TTLL5: variants seen among roughly 807,000 people sequenced by gnomAD.
The protein encoded by TTLL5 is tubulin polyglutamylase TTLL5.
Under a neutral mutation model 168.4 loss-of-function variants are expected in TTLL5, and 132 were observed. The ratio of observed to expected loss-of-function variants is 0.78; its 90% CI spans 0.68 to 0.91. TTLL5 has a LOEUF of 0.91. TTLL5 is among the 40% of genes least tolerant of loss of function. TTLL5 has a pLI of 0.00. For synonymous variants in TTLL5, 546 were observed against 558.6 expected, an observed-to-expected ratio of 0.98 and a Z score of 0.32; for missense variants, 1,545 against 1,581.5, an observed-to-expected ratio of 0.98 and a Z score of 0.39.
chr14:75,759,956 G>A (rs1890526613), intron 18 of TTLL5, among the ~76,000 whole-genome samples: 1 of 152,002 alleles, frequency 6.6e-6, no homozygotes, highest in Non-Finnish European at 1.5e-5. Flanking sequence ...TTGTAATAGG[G>A]CAAGATGTCC....
chr14:75,935,151 T>C (rs901770688), intron 31 of TTLL5, among the ~76,000 whole-genome samples: 3 of 152,204 alleles, frequency 2.0e-5, no homozygotes, highest in African/African-American at 7.2e-5. Flanking sequence ...CTTTAGCCTC[T>C]AAAATTAGTA....
rs200361929 is a variant in TTLL5 at position 75,790,040 on chromosome 14, C to CA, written c.2987-2875dup. 2.1e-4 allele frequency among the ~76,000 whole-genome samples: 32 copies of CA among 152,214 alleles called. No individual in the cohort carries two copies. The East Asian group carries it at 6.0e-3, about 28-fold the overall frequency. ...AACAGAATAGAAAGTTAGAAACAGT[C>CA]ACACAAGAAGATGGAAATTTCATGT... On this transcript the variant is annotated intron_variant, in intron 26 of 31. Coordinates refer to ENST00000298832, the MANE Select transcript of TTLL5 (RefSeq NM_015072.5).
At chr14:75,912,441 A>C (rs547411128) in intron 31 of TTLL5, among the ~76,000 whole-genome samples, 1 of 152,312 alleles carries the variant, frequency 6.6e-6, no homozygotes, top group East Asian at 1.9e-4. Context: ...TAGCCTTTTC[A>C]TGTCCAGCAT....
At chr14:75,719,450 T>C (rs1167533763) in intron 10 of TTLL5, among the ~76,000 whole-genome samples, 1 of 152,228 alleles carries the variant, frequency 6.6e-6, no homozygotes, top group East Asian at 1.9e-4. Context: ...CACACATTGC[T>C]TTCACTCTTT....
chr14:75,883,397 C>G (rs2031924123), intron 30 of TTLL5, among the ~76,000 whole-genome samples: 2 of 152,216 alleles, frequency 1.3e-5, no homozygotes, highest in African/African-American at 4.8e-5. Flanking sequence ...TATCTCCAGC[C>G]ACTTTTTAGC....
chr14:75,684,873 A>G (rs1468849809), intron 5 of TTLL5: 1 of 152,224 alleles, frequency 6.6e-6, no homozygotes, highest in Non-Finnish European at 1.5e-5. Flanking sequence ...TGTTCTATAC[A>G]GAACTTGAGT....
chr14:75,852,751 C>G (rs192027991), intron 28 of TTLL5, among the ~76,000 whole-genome samples: 1 of 152,196 alleles, frequency 6.6e-6, no homozygotes, highest in Non-Finnish European at 1.5e-5. Context: ...AATCAAAGCA[C>G]TTGTCACCAT....
intron 27 of TTLL5, among the ~76,000 whole-genome samples, chr14:75,794,332 G>A (rs1430570793): frequency 1.3e-5 from 2 of 151,830 alleles, no homozygotes; most frequent in African/African-American, 2.4e-5. Flanking sequence ...GCTATGAGAC[G>A]GGAAAGGCCA....
At chr14:75,681,326 A>G (rs557748954) in intron 3 of TTLL5, among the ~76,000 whole-genome samples, 2 of 152,230 alleles carry the variant, frequency 1.3e-5, no homozygotes, top group Admixed American at 1.3e-4. Context: ...ACTAGAAACT[A>G]GTGAAAACCA....
At chr14:75,680,766 A>G (rs944960486) in intron 3 of TTLL5, among the ~76,000 whole-genome samples, 1 of 152,010 alleles carries the variant, frequency 6.6e-6, no homozygotes, top group Non-Finnish European at 1.5e-5. Context: ...GTGGGATTAC[A>G]GGTGCGTACC....
chr14:75,721,603 T>C (rs1887841302), intron 12 of TTLL5, among the ~76,000 whole-genome samples: 1 of 152,136 alleles, frequency 6.6e-6, no homozygotes, highest in Non-Finnish European at 1.5e-5. Context: ...TATATCCATA[T>C]CTAGTTTTGT....
At chr14:75,774,784 G>A (rs527424660) in intron 21 of TTLL5, among the ~76,000 whole-genome samples, 4 of 152,192 alleles carry the variant, frequency 2.6e-5, no homozygotes, top group Admixed American at 2.6e-4. Flanking sequence ...CACCTCCTGG[G>A]TTCAAGTGAT....
intron 10 of TTLL5, among the ~76,000 whole-genome samples, chr14:75,718,388 A>G (rs1887607772): frequency 6.6e-6 from 1 of 152,250 alleles, no homozygotes; most frequent in African/African-American, 2.4e-5. Context: ...AGATGTACAC[A>G]CAGGATCAGT....
At chr14:75,826,458 A>G (rs1371327309) in intron 28 of TTLL5, among the ~76,000 whole-genome samples, 1 of 152,100 alleles carries the variant, frequency 6.6e-6, no homozygotes, top group East Asian at 1.9e-4. Context: ...TTAAAAAAAA[A>G]AGAGTATGTA....
intron 31 of TTLL5, among the ~76,000 whole-genome samples, chr14:75,912,314 C>T (rs1035736865): frequency 6.6e-6 from 1 of 152,178 alleles, no homozygotes; most frequent in Non-Finnish European, 1.5e-5. Flanking sequence ...GTGGCAGCTG[C>T]CTTCCAGACA....
intron 27 of TTLL5, among the ~76,000 whole-genome samples, chr14:75,796,346 T>A (rs1424077891): frequency 1.3e-5 from 2 of 152,242 alleles, no homozygotes; most frequent in Non-Finnish European, 2.9e-5. Flanking sequence ...GATGCATAGT[T>A]TGTGAAGATT....
chr14:75,752,091 A>T (rs1439171974), intron 17 of TTLL5, among the ~76,000 whole-genome samples: 1 of 152,124 alleles, frequency 6.6e-6, no homozygotes, highest in Non-Finnish European at 1.5e-5. Context: ...TCTCACTGCC[A>T]TCTTGGTTTT....
chr14:75,867,247 A>G (rs2030597766), intron 29 of TTLL5, among the ~76,000 whole-genome samples: 1 of 152,226 alleles, frequency 6.6e-6, no homozygotes, highest in African/African-American at 2.4e-5. Context: ...TTTGGCCTAT[A>G]GGTCCTAGTG....
intron 31 of TTLL5, among the ~76,000 whole-genome samples, chr14:75,903,176 C>T (rs1378674126): frequency 6.6e-6 from 1 of 152,146 alleles, no homozygotes; most frequent in Non-Finnish European, 1.5e-5. Flanking sequence ...TGTCTGAAGT[C>T]TCACAACTAG....
Sources: allele counts gnomAD v4.1 joint callset (sites outside exome capture counted in the v4.1 genomes callset), GRCh38; gene constraint gnomAD v4.1.1; transcripts MANE v1.5; gene names NCBI Gene and HGNC (gene_info 2026-07-23, HGNC 2026-07-21).